CTNND2: variants seen among roughly 807,000 people sequenced by gnomAD.
CTNND2 encodes the protein catenin delta 2.
A neutral mutation model predicts 144.4 loss-of-function variants in CTNND2; 22 were observed. That is an observed-to-expected ratio of 0.15 (90% confidence interval 0.11 to 0.22). CTNND2 has a LOEUF of 0.22. Ranked by LOEUF, CTNND2 falls within the 10% of genes least tolerant of loss-of-function variation. The pLI, the probability that CTNND2 is intolerant of heterozygous loss-of-function variation, is 1.00. For synonymous variants in CTNND2, 751 were observed against 695.6 expected (o/e 1.08, Z -1.25); for missense variants, 1,353 against 1,618.8 (o/e 0.84, Z 2.82).
intron 6 of CTNND2, among the ~76,000 whole-genome samples, chr5:11,389,795 T>C (rs773115555): frequency 6.6e-6 from 1 of 152,242 alleles, no homozygotes; most frequent in Non-Finnish European, 1.5e-5. Flanking sequence ...TTTTGAGCAC[T>C]GACATGAATG....
chr5:11,611,575 C>T (rs570817188), intron 2 of CTNND2, among the ~76,000 whole-genome samples: 27 of 152,114 alleles, frequency 1.8e-4, no homozygotes, highest in African/African-American at 5.3e-4. Flanking sequence ...GTTAGGAGTT[C>T]GAGACCAGCC....
chr5:11,780,576 G>T (rs942244497), intron 1 of CTNND2, among the ~76,000 whole-genome samples: 1 of 152,122 alleles, frequency 6.6e-6, no homozygotes, highest in African/African-American at 2.4e-5. Context: ...TCCACAGCCA[G>T]CAGGCCTCTG....
intron 3 of CTNND2, among the ~76,000 whole-genome samples, chr5:11,525,431 C>T (rs905838434): frequency 2.6e-5 from 4 of 152,094 alleles, no homozygotes; most frequent in Admixed American, 2.6e-4. Context: ...TATTTCATGT[C>T]CTCAAAGAAT....
intron 16 of CTNND2, among the ~76,000 whole-genome samples, chr5:11,041,881 T>A (rs905330205): frequency 6.6e-6 from 1 of 152,212 alleles, no homozygotes; most frequent in Non-Finnish European, 1.5e-5. Context: ...GGAAATACTG[T>A]ACTTGATACT....
At chr5:11,001,028 C>T (rs1315560357) in intron 18 of CTNND2, among the ~76,000 whole-genome samples, 1 of 152,140 alleles carries the variant, frequency 6.6e-6, no homozygotes, top group Non-Finnish European at 1.5e-5. Flanking sequence ...AGTCTCCATT[C>T]CCAAGGTTGA....
intron 10 of CTNND2, among the ~76,000 whole-genome samples, chr5:11,223,080 A>C (rs1401794357): frequency 2.0e-5 from 3 of 152,190 alleles, no homozygotes; most frequent in African/African-American, 7.2e-5. Flanking sequence ...CCTGGGCTTT[A>C]GCAGGGGCCA....
intron 8 of CTNND2, among the ~76,000 whole-genome samples, chr5:11,358,369 T>C (rs1045703403): frequency 6.6e-6 from 1 of 152,204 alleles, no homozygotes; most frequent in Non-Finnish European, 1.5e-5. Flanking sequence ...CATCTGAAAG[T>C]TCTCTTTGGT....
chr5:11,258,080 T>C (rs1484054961), intron 9 of CTNND2, among the ~76,000 whole-genome samples: 2 of 152,202 alleles, frequency 1.3e-5, no homozygotes, highest in Non-Finnish European at 1.5e-5. Flanking sequence ...AGTCAGATCC[T>C]TTCAGCGTAG....
intron 1 of CTNND2, among the ~76,000 whole-genome samples, chr5:11,835,909 G>T (rs1174017182): frequency 6.6e-6 from 1 of 151,984 alleles, no homozygotes; most frequent in African/African-American, 2.4e-5. Flanking sequence ...TGGGAGATTA[G>T]ATTACTGTTT....
intron 2 of CTNND2, among the ~76,000 whole-genome samples, chr5:11,688,153 C>T (rs1784740793): frequency 6.6e-6 from 1 of 152,122 alleles, no homozygotes; most frequent in African/African-American, 2.4e-5. Flanking sequence ...CTGCCACTGG[C>T]TATTACTACT....
intron 18 of CTNND2, among the ~76,000 whole-genome samples, chr5:11,015,071 C>A (rs143427517): frequency 6.6e-6 from 1 of 152,140 alleles, no homozygotes; most frequent in Non-Finnish European, 1.5e-5. Context: ...TCCTTTGGAA[C>A]GCTTCCTTTG....
intron 1 of CTNND2, among the ~76,000 whole-genome samples, chr5:11,851,372 C>T (rs1237252319): frequency 6.6e-6 from 1 of 152,140 alleles, no homozygotes; most frequent in Non-Finnish European, 1.5e-5. Flanking sequence ...TTGGCTGAAA[C>T]TCTACCTTTC....
chr5:11,552,699 C>T (rs1353974002), intron 3 of CTNND2, among the ~76,000 whole-genome samples: 1 of 152,202 alleles, frequency 6.6e-6, no homozygotes, highest in African/African-American at 2.4e-5. Flanking sequence ...CTATACCCCC[C>T]TTCCTTTTCC....
At chr5:11,116,013 C>T (rs761829146) in intron 13 of CTNND2, among the ~76,000 whole-genome samples, 1 of 152,176 alleles carries the variant, frequency 6.6e-6, no homozygotes, top group Non-Finnish European at 1.5e-5. Flanking sequence ...ATTAGAGAGT[C>T]ATATTAAAGC....
chr5:11,509,624 T>G (rs1413271370), intron 3 of CTNND2, among the ~76,000 whole-genome samples: 4 of 152,108 alleles, frequency 2.6e-5, no homozygotes, highest in Non-Finnish European at 5.9e-5. Flanking sequence ...AATGAGAAAT[T>G]TAAACAAATA....
intron 2 of CTNND2, among the ~76,000 whole-genome samples, chr5:11,610,045 A>G (rs920162461): frequency 6.6e-5 from 10 of 152,264 alleles, no homozygotes; most frequent in African/African-American, 1.9e-4. Flanking sequence ...TTATGACAAC[A>G]ATATAAGTGC....
intron 12 of CTNND2, among the ~76,000 whole-genome samples, chr5:11,120,725 T>C (rs939304695): frequency 8.6e-5 from 13 of 151,842 alleles, no homozygotes; most frequent in Non-Finnish European, 1.8e-4. Flanking sequence ...GTGGTTATCA[T>C]ACTGTCTGCA....
intron 5 of CTNND2, among the ~76,000 whole-genome samples, chr5:11,404,052 A>G (rs1279375381): frequency 2.0e-5 from 3 of 152,324 alleles, no homozygotes; most frequent in South Asian, 2.1e-4. Flanking sequence ...ATCTGGGTAT[A>G]TATGATGCTA....
intron 2 of CTNND2, among the ~76,000 whole-genome samples, chr5:11,721,855 A>G (rs1027745239): frequency 6.6e-6 from 1 of 152,210 alleles, no homozygotes; most frequent in African/African-American, 2.4e-5. Flanking sequence ...CTTCCACCAT[A>G]GTCCTAAGCC....
Sources: allele counts gnomAD v4.1 joint callset (sites outside exome capture counted in the v4.1 genomes callset), GRCh38; gene constraint gnomAD v4.1.1; transcripts MANE v1.5; gene names NCBI Gene and HGNC (gene_info 2026-07-23, HGNC 2026-07-21).